The following PLCD3 variants were observed in gnomAD, a reference collection of about 807,000 sequenced individuals.
PLCD3 encodes the protein phospholipase C delta 3, also known as 1-phosphatidylinositol 4,5-bisphosphate phosphodiesterase delta-3.
A neutral mutation model predicts 82.8 loss-of-function variants in PLCD3; 62 were observed. That is an observed-to-expected ratio of 0.75 (90% CI 0.61 to 0.93). The LOEUF (loss-of-function observed/expected upper bound fraction) is 0.93, where lower values mean the gene tolerates loss of function less well. PLCD3 is among the 40% of genes least tolerant of loss of function. The pLI is 0.00. For missense variants in PLCD3, 1,023 were observed against 1,103.4 expected (o/e 0.93, Z 1.03); for synonymous variants, 478 against 471.8 (o/e 1.01, Z -0.17).
At chr17:45,113,652 C>T (rs370810106) in intron 11 of PLCD3, 47 bp from the exon 12 acceptor site, 7 of 1,541,006 alleles carry the variant, frequency 4.5e-6, no homozygotes, top group African/African-American at 2.7e-5. Context: ...CGGCCCTGTT[C>T]TCACTACTCA....
Position 45,112,376 on chromosome 17 carries a change from CAT to C in PLCD3, c.*238_*239del, listed in dbSNP as rs1336721034. 3.6e-6 allele frequency: 2 copies of C among 554,906 alleles called. No homozygotes were observed. The highest frequency in any genetic ancestry group is 6.5e-6 in the Non-Finnish European group (2 of 308,552). The allele number at this position is 554,906 out of a possible 1,614,324, so 34.4% of individuals were successfully genotyped here. A position where few individuals can be genotyped will look rare whatever the true frequency, so the allele number is the denominator to read the frequency against. The stretch of plus-strand genomic sequence containing the variant: ...GGCTGAGGACAAGAGGAGCTGGGGC[CAT>C]CTCAGGGCCCCAGGGTTGGAGCTCA... On this transcript the variant is annotated 3_prime_UTR_variant, in exon 15 of 15. Transcript: ENST00000619929.
At chr17:45,121,493 A>C in intron 1 of PLCD3, 121 bp from the exon 2 acceptor site, 1 of 1,204,536 alleles carries the variant, frequency 8.3e-7, no homozygotes, top group Non-Finnish European at 1.1e-6. Flanking sequence ...TTCATCCCAC[A>C]GTAAGCTTCC....
chr17:45,115,056 C>T (rs767017407), intron 10 of PLCD3, 38 bp downstream of exon 10: 1 of 1,565,884 alleles, frequency 6.4e-7, no homozygotes, highest in South Asian at 1.2e-5. Flanking sequence ...AGGTCTCTCA[C>T]CCTCTCGCCC....
In PLCD3 at chr17:45,120,888, C is replaced by T. The variant is rs1357445380; in HGVS notation, c.554+14G>A. The stretch of plus-strand genomic sequence containing the variant: ...CCAAGGATGGGGCCCTCCCTCCCAG[C>T]CCCGGCAGGATATTGGTCTAGCCGC... On this transcript the variant is annotated intron_variant, in intron 3 of 14. Transcript: ENST00000619929. The T allele has an allele frequency of 4.9e-6, 7 of 1,416,454 alleles. No homozygotes were observed. Among genetic ancestry groups the T allele is most frequent in the East Asian group, 2.7e-5 (1 of 36,394 alleles). 87.7% of individuals were successfully genotyped at this position (1,416,454 alleles called of 1,614,324 possible). A position where few individuals can be genotyped will look rare whatever the true frequency, so the allele number is the denominator to read the frequency against.
At position 45,116,763 on chromosome 17, in the gene PLCD3, G is replaced by C. The variant is rs2054295250; in HGVS notation, c.1282C>G (p.Leu428Val). ...AGCCCGCAGTGGTTCTCCAGGGATA[G>C]GATGACAGGGTAAGGGGACAGCTGT... ...AFTLSPYPVI[L>V]SLENHCGLEQ... Residue 428 changes from leucine to valine, a missense_variant, in exon 8 of 15, where the codon CTA becomes GTA. Leu to Val is a conservative substitution (Grantham distance 32, BLOSUM62 1). Coordinates refer to ENST00000619929, the MANE Select transcript of PLCD3 (RefSeq NM_133373.5). 6.2e-7 allele frequency: 1 copy of C among 1,605,684 alleles called. No individual in the cohort carries two copies. Among genetic ancestry groups the C allele is most frequent in the African/African-American group, 1.3e-5 (1 of 74,504 alleles).
At chr17:45,116,497 T>C in intron 8 of PLCD3, 135 bp downstream of exon 8, 1 of 983,260 alleles carries the variant, frequency 1.0e-6, no homozygotes, top group Non-Finnish European at 1.4e-6. Flanking sequence ...AGACCTCAGA[T>C]GAACAGAGGA....
Position 45,118,360 on chromosome 17 carries a change from G to A in PLCD3, c.1046C>T (p.Ser349Phe), listed in dbSNP as rs760064067. Residue 349 changes from serine to phenylalanine, a missense_variant, in exon 6 of 15, where the codon TCT becomes TTT. Around this residue, in one of 3 missense-constraint regions of PLCD3, gnomAD observed 553 missense variants for 655.7 expected, o/e 0.84. Coordinates refer to ENST00000619929, the MANE Select transcript of PLCD3 (RefSeq NM_133373.5). The surrounding 1 kb of genome is among the most constrained non-coding windows in gnomAD (Gnocchi z 4.1). ...MNQPLAHYFI[S>F]SSHNTYLTDS... ...AGTCAGATAGGTGTTGTGGGAGGAA[G>A]AGATGAAGTAGTGGGCAAGGGGCTG... The A allele has an allele frequency of 1.9e-6, 3 of 1,614,048 alleles. No individual in the cohort carries two copies. The highest frequency in any genetic ancestry group is 2.5e-6 in the Non-Finnish European group (3 of 1,179,900).
rs754570508 is a variant in PLCD3, at chr17:45,113,504, G to A, written c.1930C>T (p.Arg644Trp). ...GGGTCAAAGGTCGAGTCAGGTTGCCGCAGGCAGGCAGGTTTTAGGACGTAG... is the reference window on the plus strand; with the variant it reads ...GGGTCAAAGGTCGAGTCAGGTTGCCACAGGCAGGCAGGTTTTAGGACGTAG... ...CGYVLKPACL[R>W]QPDSTFDPEY... Residue 644 changes from arginine to tryptophan, a missense_variant, in exon 12 of 15, where the codon CGG becomes TGG. By Grantham distance (101) the Arg-to-Trp change is moderately radical. This residue lies in a region of PLCD3 where 553 missense variants were observed against 655.7 expected (regional missense o/e 0.84). Coordinates refer to ENST00000619929, the MANE Select transcript of PLCD3 (RefSeq NM_133373.5). The A allele has an allele frequency of 3.3e-5, 52 of 1,585,464 alleles. No individual in the cohort carries two copies. Among genetic ancestry groups the A allele is most frequent in the African/African-American group, 2.3e-4 (17 of 74,326 alleles).
At chr17:45,113,295 A>G in intron 12 of PLCD3, 38 bp from the exon 13 acceptor site, 1 of 1,568,348 alleles carries the variant, frequency 6.4e-7, no homozygotes. Flanking sequence ...GCCCACGCCC[A>G]CCTTGGCCAT....
rs1291803601 is a variant in PLCD3, at chr17:45,112,661, CAGTG to C, written c.2321_2324del (p.Ser774CysfsTer109). On this transcript the variant is annotated frameshift_variant, in exon 15 of 15. Coordinates refer to ENST00000619929, the MANE Select transcript of PLCD3 (RefSeq NM_133373.5). LOFTEE classifies it high-confidence loss of function. ...TTTGGATGAAGAGCGTGGCTGGTGA[CAGTG>C]AGGCCCCGTCCTTGGAAAGCAGGTG... The C allele has an allele frequency of 5.6e-6, 9 of 1,607,154 alleles. No individual in the cohort carries two copies. The East Asian group carries it at 1.3e-4, about 24-fold the overall frequency.
chr17:45,116,740 C>T lies in PLCD3; in HGVS notation c.1305G>A (p.Gly435=). The change falls in exon 8 of 15, where the codon GGG becomes GGA. Residue 435 remains glycine, a synonymous_variant. Coordinates refer to ENST00000619929, the MANE Select transcript of PLCD3 (RefSeq NM_133373.5). ...GGGCCATGGCAGCCTGCTGCTCCAG[C>T]CCGCAGTGGTTCTCCAGGGATAGGA... is the stretch of plus-strand genomic sequence containing the variant. ...PVILSLENHC[G]LEQQAAMARH... The T allele has an allele frequency of 6.2e-7, 1 of 1,609,122 alleles. No individual in the cohort carries two copies. The highest frequency in any genetic ancestry group is 8.5e-7 in the Non-Finnish European group (1 of 1,177,450).
intron 10 of PLCD3, 146 bp from the exon 11 acceptor site, chr17:45,114,512 A>G: frequency 3.4e-6 from 2 of 594,170 alleles, no homozygotes; most frequent in Non-Finnish European, 5.6e-6. Flanking sequence ...CTAGAGTGAG[A>G]GGGGAGCTCA....
rs778993028 is a variant in PLCD3, at chr17:45,120,420, T to C, written c.589A>G (p.Asn197Asp). ...IHSYLHRADS[N>D]QDSKMSFKEI... is the part of the protein sequence containing the mutation. ...TTGAAGCTCATCTTGCTGTCCTGGT[T>C]GGAGTCAGCCCGGTGCAGATAGGAG... The change falls in exon 4 of 15, where the codon AAC becomes GAC. Residue 197 changes from asparagine to aspartate, a missense_variant. By Grantham distance (23) the Asn-to-Asp change is conservative (BLOSUM62 1). This residue lies in a region of PLCD3 where 448 missense variants were observed against 406.3 expected (regional missense o/e 1.10). Coordinates refer to ENST00000619929, the MANE Select transcript of PLCD3 (RefSeq NM_133373.5). The C allele has an allele frequency of 1.2e-6, 2 of 1,613,904 alleles. No individual in the cohort carries two copies. The highest frequency in any genetic ancestry group is 8.5e-7 in the Non-Finnish European group (1 of 1,179,868).
Position 45,112,874 on chromosome 17 carries a change from C to T in PLCD3, c.2270G>A (p.Ser757Asn). The change falls in exon 14 of 15, where the codon AGC (serine) becomes AAC (asparagine). Residue 757 changes from serine (S) to asparagine (N), a missense_variant. Around this residue, in one of 3 missense-constraint regions of PLCD3, gnomAD observed 553 missense variants for 655.7 expected, o/e 0.84. Coordinates refer to ENST00000619929, the MANE Select transcript of PLCD3 (RefSeq NM_133373.5). ...CAGCCTCCACCAACCTTGCTTTAGG[C>T]TGCTAAGAGGCAGTGTAAACTGGCC... is the stretch of plus-strand genomic sequence containing the variant. ...FVGQFTLPLS[S>N]LKQGYRHIHL... is the part of the protein sequence containing the mutation. 1 of 1,612,374 alleles carries T rather than the reference C, an allele frequency of 6.2e-7. No individual in the cohort carries two copies. The highest frequency in any genetic ancestry group is 8.5e-7 in the Non-Finnish European group (1 of 1,179,230).
chr17:45,127,215 C>T (rs989405028), intron 1 of PLCD3, among the ~76,000 whole-genome samples: 4 of 152,192 alleles, frequency 2.6e-5, no homozygotes, highest in South Asian at 4.1e-4. Context: ...GAGGCACCCA[C>T]GTGTTCTGAT....
In PLCD3 at chr17:45,112,992, G is replaced by T; in HGVS notation, c.2152C>A (p.Gln718Lys). ...LNNGFNPRWG[Q>K]TLQFQLRAPE... ...GCCCGCAGCTGGAACTGCAGGGTCT[G>T]CCCCCAGCGGGGGTTGAAGCCTAGG... Residue 718 changes from glutamine to lysine, a missense_variant, in exon 14 of 15, where the codon CAG (glutamine) becomes AAG (lysine). Transcript: ENST00000619929. 6.2e-7 allele frequency: 1 copy of T among 1,607,798 alleles called. No homozygotes were observed. Among genetic ancestry groups the T allele is most frequent in the Non-Finnish European group, 8.5e-7 (1 of 1,176,254 alleles).
At chr17:45,113,050 C>T (rs1280939030) in intron 13 of PLCD3, 38 bp from the exon 14 acceptor site, 5 of 1,603,276 alleles carry the variant, frequency 3.1e-6, no homozygotes, top group Non-Finnish European at 3.4e-6. Flanking sequence ...CCAGGGGCCC[C>T]AGGACCCACC....
Position 45,118,365 on chromosome 17 carries a change from G to A in PLCD3, c.1041C>T (p.Phe347=), listed in dbSNP as rs750442863. The change falls in exon 6 of 15, where the codon TTC becomes TTT. Residue 347 remains phenylalanine (F), a synonymous_variant. Coordinates refer to ENST00000619929, the MANE Select transcript of PLCD3 (RefSeq NM_133373.5). This position sits in a 1 kb window ranked among gnomAD's most constrained non-coding sequence, Gnocchi z 4.1. ...GATAGGTGTTGTGGGAGGAAGAGAT[G>A]AAGTAGTGGGCAAGGGGCTGGTTCA... The part of the protein sequence containing the change: ...QDMNQPLAHY[F]ISSSHNTYLT... The A allele has an allele frequency of 1.9e-6, 3 of 1,613,952 alleles. No homozygotes were observed. The highest frequency in any genetic ancestry group is 1.3e-5 in the African/African-American group (1 of 74,942).
chr17:45,126,990 G>A (rs2054386555), intron 1 of PLCD3, among the ~76,000 whole-genome samples: 1 of 152,238 alleles, frequency 6.6e-6, no homozygotes, highest in South Asian at 2.1e-4. Flanking sequence ...CAAAAATGCT[G>A]TTAAAGAAGC....
Sources: gnomAD v4.1 joint callset for allele counts (sites outside exome capture counted in the v4.1 genomes callset) on GRCh38, gnomAD v4.1.1 for gene constraint, gnomAD v4.1.1 regional missense constraint, Gnocchi (gnomAD v3.1) non-coding constraint, MANE v1.5 for transcripts, NCBI Gene and HGNC (gene_info 2026-07-23, HGNC 2026-07-21) for gene names.